Variants in PRMT7 observed in about 807,000 individuals in gnomAD.
PRMT7 encodes protein arginine methyltransferase 7.
Under a neutral mutation model 85.4 loss-of-function variants are expected in PRMT7, and 75 were observed. The observed-to-expected ratio is 0.88, with a 90% CI of 0.73 to 1.06. The LOEUF (loss-of-function observed/expected upper bound fraction) is 1.06, where lower values mean the gene tolerates loss of function less well. Among genes scored for constraint, PRMT7 ranks in the 50% least tolerant of loss-of-function variants. The pLI, the probability that PRMT7 is intolerant of heterozygous loss-of-function variation, is 0.00. For missense variants in PRMT7, 868 were observed against 915.2 expected (o/e 0.95, Z 0.67); for synonymous variants, 397 against 359.5 (o/e 1.10, Z -1.18).
At chr16:68,324,649 A>G (rs747856426) in intron 4 of PRMT7, 34 bp from the exon 5 acceptor site, 5 of 1,610,964 alleles carry the variant, frequency 3.1e-6, no homozygotes, top group Non-Finnish European at 4.2e-6. Context: ...TACTTATAAT[A>G]ACTGGTAGTA....
intron 5 of PRMT7, among the ~76,000 whole-genome samples, chr16:68,325,214 A>G (rs1028286988): frequency 6.6e-5 from 10 of 152,158 alleles, no homozygotes; most frequent in African/African-American, 2.2e-4. Flanking sequence ...TTTAAATATT[A>G]GCTGGGCATG....
intron 6 of PRMT7, chr16:68,329,567 TTTTA>T (rs1475449335): frequency 6.9e-5 from 11 of 159,408 alleles, no homozygotes; most frequent in South Asian, 5.3e-4. Context: ...TACTTAGTTC[TTTTA>T]TTTATTTATT....
intron 9 of PRMT7, 78 bp downstream of exon 9, chr16:68,340,046 T>A: frequency 7.0e-7 from 1 of 1,419,362 alleles, no homozygotes; most frequent in Non-Finnish European, 9.4e-7. Flanking sequence ...CAGTTGAGCC[T>A]TGGACCCAGG....
intron 5 of PRMT7, among the ~76,000 whole-genome samples, 187 bp downstream of exon 5, chr16:68,325,019 C>T (rs951863057): frequency 1.3e-5 from 2 of 152,260 alleles, no homozygotes; most frequent in Non-Finnish European, 2.9e-5. Flanking sequence ...CTAATTTTCT[C>T]CTCTGTCAGC....
intron 3 of PRMT7, among the ~76,000 whole-genome samples, chr16:68,318,361 G>C (rs773404504): frequency 6.6e-6 from 1 of 151,794 alleles, no homozygotes; most frequent in African/African-American, 2.4e-5. Flanking sequence ...TGCCACGCCC[G>C]GCTAATTTTT....
At chr16:68,314,250 TGACG>T (rs1469709671) in intron 2 of PRMT7, among the ~76,000 whole-genome samples, 1 of 152,148 alleles carries the variant, frequency 6.6e-6, no homozygotes, top group Non-Finnish European at 1.5e-5. Flanking sequence ...TTTGTTTTGG[TGACG>T]GAGTCTTACT....
chr16:68,322,904 A>G (rs1348689457), intron 4 of PRMT7, among the ~76,000 whole-genome samples: 7 of 151,920 alleles, frequency 4.6e-5, no homozygotes, highest in African/African-American at 1.7e-4. Flanking sequence ...GGTGGCGGGC[A>G]GGGCCTGTAA....
intron 16 of PRMT7, 152 bp from the exon 17 acceptor site, chr16:68,355,571 G>C (rs565072980): frequency 1.4e-6 from 1 of 732,356 alleles, no homozygotes. Flanking sequence ...GTGGCAGAGA[G>C]GGGGCGCCGC....
chr16:68,337,801 C>T (rs1443645683), intron 7 of PRMT7, among the ~76,000 whole-genome samples: 1 of 152,192 alleles, frequency 6.6e-6, no homozygotes, highest in Non-Finnish European at 1.5e-5. Flanking sequence ...TATTCAAATT[C>T]AGTTAAGTTC....
At chr16:68,314,792 C>G (rs887908168) in intron 2 of PRMT7, among the ~76,000 whole-genome samples, 36 of 152,160 alleles carry the variant, frequency 2.4e-4, no homozygotes, top group African/African-American at 8.7e-4. Flanking sequence ...AGACTTTGAG[C>G]GGTGGTGTTT....
chr16:68,351,157 A>G (rs1466729704), intron 14 of PRMT7, among the ~76,000 whole-genome samples: 2 of 152,186 alleles, frequency 1.3e-5, no homozygotes, highest in East Asian at 1.9e-4. Context: ...CGTTCTTGCC[A>G]TGTTCCTGAT....
At chr16:68,323,012 C>T (rs1451082565) in intron 4 of PRMT7, among the ~76,000 whole-genome samples, 5 of 151,276 alleles carry the variant, frequency 3.3e-5, no homozygotes, top group South Asian at 4.2e-4. Context: ...CCAGCCTGGG[C>T]GACAGGGAGA....
intron 7 of PRMT7, among the ~76,000 whole-genome samples, chr16:68,338,586 G>A (rs1378579594): frequency 6.6e-6 from 1 of 152,140 alleles, no homozygotes; most frequent in Non-Finnish European, 1.5e-5. Flanking sequence ...ACAGCCTGGG[G>A]AAGGCAGCGG....
At chr16:68,359,894 G>C (rs1382487949), downstream of PRMT7, 1 of 103,430 alleles carries the variant, frequency 9.7e-6, no homozygotes, top group African/African-American at 3.7e-5. Context: ...GAGGCAGATC[G>C]GGGACCACAA....
rs1038709698 is a variant in PRMT7 at position 68,354,937 on chromosome 16, A to C, written c.1651-786A>C. 3.9e-5 allele frequency: 6 copies of C among 152,354 alleles called. 1 individual carries two copies. Among genetic ancestry groups the C allele is most frequent in the African/African-American group, 1.4e-4 (6 of 41,418 alleles). 9.4% of individuals were successfully genotyped at this position (152,354 alleles called of 1,614,324 possible). A position where few individuals can be genotyped will look rare whatever the true frequency, so the allele number is the denominator to read the frequency against. ...CCACTTCACACGACCAGCCAGGCCC[A>C]GGGCCCCGGGCATCCTCCCTGGCAA... On this transcript the variant is annotated intron_variant, in intron 16 of 18. Transcript: ENST00000441236.
intron 14 of PRMT7, among the ~76,000 whole-genome samples, chr16:68,349,875 A>T (rs921753195): frequency 2.6e-5 from 4 of 152,170 alleles, no homozygotes; most frequent in Non-Finnish European, 4.4e-5. Context: ...AGCATGGCTG[A>T]CAGAGTGATA....
intron 5 of PRMT7, among the ~76,000 whole-genome samples, chr16:68,327,150 A>G (rs1226427020): frequency 6.6e-6 from 1 of 152,240 alleles, no homozygotes; most frequent in Non-Finnish European, 1.5e-5. Flanking sequence ...GAAAGGATAC[A>G]GCATTTGTCC....
chr16:68,346,316 A>C, intron 11 of PRMT7, 36 bp downstream of exon 11: 1 of 1,608,654 alleles, frequency 6.2e-7, no homozygotes, highest in Non-Finnish European at 8.5e-7. Flanking sequence ...TGTGGGGAAA[A>C]GGGAGAAAGA....
At position 68,346,235 on chromosome 16, in the gene PRMT7, C is replaced by T; in HGVS notation, c.1146C>T (p.Ile382=). 1.2e-6 allele frequency: 2 copies of T among 1,614,222 alleles called. No individual in the cohort carries two copies. Among genetic ancestry groups the T allele is most frequent in the Non-Finnish European group, 1.7e-6 (2 of 1,180,044 alleles). ...GGAACCGGCCTCGGTTTGGAGAGAT[C>T]AATGACCAGGACAGAACTGATCGAT... is the stretch of plus-strand genomic sequence containing the variant. ...LLWNRPRFGE[I]NDQDRTDRYV... is the part of the protein sequence containing the mutation. The change falls in exon 11 of 19, where the codon ATC becomes ATT. Residue 382 remains isoleucine, a synonymous_variant. Transcript: ENST00000441236.
Sources: gnomAD v4.1 joint callset for allele counts (sites outside exome capture counted in the v4.1 genomes callset) on GRCh38, gnomAD v4.1.1 for gene constraint, MANE v1.5 for transcripts, NCBI Gene and HGNC (gene_info 2026-07-23, HGNC 2026-07-21) for gene names.